Variants in SEPTIN10 observed in about 807,000 individuals in gnomAD.
The protein encoded by SEPTIN10 is septin-10.
SEPTIN10 carries 66 observed loss-of-function variants against 54.8 expected under a neutral mutation model. That is an observed-to-expected ratio of 1.21 (90% CI 0.99 to 1.48). The LOEUF (loss-of-function observed/expected upper bound fraction) is 1.48, where lower values mean the gene tolerates loss of function less well. SEPTIN10 is among the 40% of genes most tolerant of loss of function. The probability of loss-of-function intolerance (pLI) is 0.00; values close to 1 mark genes in which losing one functional copy is unlikely to be tolerated. For missense variants in SEPTIN10, 620 were observed against 545.6 expected (o/e 1.14, Z -1.36); for synonymous variants, 161 against 181.0 (o/e 0.89, Z 0.89).
At chr2:109,590,049 TGTGTGTGTATATATATAC>T (rs1285266362) in intron 2 of SEPTIN10, among the ~76,000 whole-genome samples, 27 of 145,072 alleles carry the variant, frequency 1.9e-4, no homozygotes, top group African/African-American at 6.9e-4. Context: ...CACATATATA[TGTGTGTGTATATATATAC>T]ACACACATAT....
chr2:109,610,232 G>C (rs1478806018), intron 1 of SEPTIN10, among the ~76,000 whole-genome samples: 8 of 152,010 alleles, frequency 5.3e-5, no homozygotes, highest in African/African-American at 1.9e-4. Context: ...GGGACTACAG[G>C]CGCATGCCAC....
intron 5 of SEPTIN10, among the ~76,000 whole-genome samples, chr2:109,574,088 T>C (rs1044853628): frequency 9.9e-5 from 15 of 152,276 alleles, no homozygotes; most frequent in African/African-American, 3.6e-4. Flanking sequence ...TTGCATCTCA[T>C]CTTCCAAATT....
At chr2:109,579,806 C>A (rs1690659558) in intron 4 of SEPTIN10, among the ~76,000 whole-genome samples, 1 of 151,862 alleles carries the variant, frequency 6.6e-6, no homozygotes, top group Non-Finnish European at 1.5e-5. Context: ...AAGGCTAACA[C>A]AATCTTGATT....
At chr2:109,603,158 T>C (rs1697030731) in intron 1 of SEPTIN10, among the ~76,000 whole-genome samples, 1 of 152,096 alleles carries the variant, frequency 6.6e-6, no homozygotes, top group Non-Finnish European at 1.5e-5. Context: ...TACTTAGGAA[T>C]CAGTGTGAAG....
chr2:109,598,734 T>G (rs868516594), intron 1 of SEPTIN10, among the ~76,000 whole-genome samples: 139 of 151,958 alleles, frequency 9.1e-4, no homozygotes, highest in African/African-American at 3.3e-3. Context: ...TCCCAGCTAC[T>G]CAGGAGGCTA....
chr2:109,572,781 T>C (rs1688723575), intron 5 of SEPTIN10, among the ~76,000 whole-genome samples: 1 of 151,980 alleles, frequency 6.6e-6, no homozygotes, highest in Non-Finnish European at 1.5e-5. Context: ...CATGCCTGGC[T>C]AATTTTTGTA....
intron 9 of SEPTIN10, chr2:109,552,750 C>T: frequency 4.8e-6 from 1 of 209,092 alleles, no homozygotes; most frequent in Non-Finnish European, 9.5e-6. Flanking sequence ...AATGAGGCAC[C>T]TAAAAATTGT....
intron 5 of SEPTIN10, among the ~76,000 whole-genome samples, chr2:109,569,730 A>G (rs1247536550): frequency 6.6e-6 from 1 of 152,206 alleles, no homozygotes; most frequent in Non-Finnish European, 1.5e-5. Flanking sequence ...AATAACTTAT[A>G]ATTGCTTGCA....
At chr2:109,577,912 CAA>C (rs745439822) in intron 4 of SEPTIN10, among the ~76,000 whole-genome samples, 23,460 of 92,766 alleles carry the variant, frequency 0.25, 1,207 homozygotes, top group South Asian at 0.28. Context: ...GACTTTGTCT[CAA>C]AAAAAAAAAA....
chr2:109,583,864 T>A (rs1056995116), intron 4 of SEPTIN10, among the ~76,000 whole-genome samples: 1 of 152,166 alleles, frequency 6.6e-6, no homozygotes, highest in South Asian at 2.1e-4. Flanking sequence ...GAGGCCGTTA[T>A]CCTAAGCAAA....
At chr2:109,549,823 C>A (rs1682412861) in intron 9 of SEPTIN10, among the ~76,000 whole-genome samples, 1 of 152,068 alleles carries the variant, frequency 6.6e-6, no homozygotes, top group Non-Finnish European at 1.5e-5. Context: ...ACAATTATAA[C>A]AATGTATGTA....
chr2:109,598,908 AT>A (rs1242464258), intron 1 of SEPTIN10, among the ~76,000 whole-genome samples: 1 of 151,910 alleles, frequency 6.6e-6, no homozygotes, highest in East Asian at 1.9e-4. Flanking sequence ...AAAAAAAATT[AT>A]TATCTGGGCC....
intron 10 of SEPTIN10, chr2:109,545,844 C>T (rs1681067759): frequency 4.9e-6 from 7 of 1,435,562 alleles, no homozygotes; most frequent in Middle Eastern, 2.6e-4. Flanking sequence ...ATACTGAACA[C>T]ATAACATGTG....
chr2:109,567,410 AT>A (rs1331698533), intron 6 of SEPTIN10, among the ~76,000 whole-genome samples: 2 of 152,374 alleles, frequency 1.3e-5, no homozygotes, highest in African/African-American at 4.8e-5. Flanking sequence ...GAGAAGGAGC[AT>A]AAATACTAGT....
intron 9 of SEPTIN10, among the ~76,000 whole-genome samples, chr2:109,551,321 T>C (rs62151677): frequency 0.18 from 28,054 of 152,224 alleles, 3,357 homozygotes; most frequent in Middle Eastern, 0.32. Flanking sequence ...TCCTTTAATA[T>C]AGAATTAAAT....
intron 1 of SEPTIN10, among the ~76,000 whole-genome samples, chr2:109,606,571 A>G (rs1698018723): frequency 6.6e-6 from 1 of 151,780 alleles, no homozygotes; most frequent in African/African-American, 2.4e-5. Context: ...CTACTTTATT[A>G]CCTGCAAAGA....
chr2:109,600,506 C>T (rs1185956205), intron 1 of SEPTIN10, among the ~76,000 whole-genome samples: 1 of 151,806 alleles, frequency 6.6e-6, no homozygotes, highest in Non-Finnish European at 1.5e-5. Context: ...ACTGGACCTA[C>T]CTGCTTATAT....
chr2:109,610,284 T>C (rs373522412), intron 1 of SEPTIN10, among the ~76,000 whole-genome samples: 1 of 152,086 alleles, frequency 6.6e-6, no homozygotes, highest in African/African-American at 2.4e-5. Context: ...GAGATGGGGT[T>C]TTACGGTGTT....
intron 8 of SEPTIN10, among the ~76,000 whole-genome samples, chr2:109,554,999 T>C (rs1684026194): frequency 6.6e-6 from 1 of 152,186 alleles, no homozygotes; most frequent in East Asian, 1.9e-4. Flanking sequence ...CTTCTTTCCA[T>C]TTCTACAGAT....
Sources: gnomAD v4.1 joint callset for allele counts (sites outside exome capture counted in the v4.1 genomes callset) on GRCh38, gnomAD v4.1.1 for gene constraint, MANE v1.5 for transcripts, NCBI Gene and HGNC (gene_info 2026-07-23, HGNC 2026-07-21) for gene names.